The following CCDC171 variants were observed in gnomAD, a reference collection of about 807,000 sequenced individuals.
The protein encoded by CCDC171 is coiled-coil domain-containing protein 171.
CCDC171 carries 177 observed loss-of-function variants against 168.2 expected under a neutral mutation model. That is an observed-to-expected ratio of 1.05 (90% confidence interval 0.93 to 1.19). The LOEUF (loss-of-function observed/expected upper bound fraction) is 1.19. CCDC171 is among the 50% of genes most tolerant of loss of function. The pLI is 0.00. For missense variants in CCDC171, 1,991 were observed against 1,539.0 expected, an observed-to-expected ratio of 1.29 and a Z score of -4.91; for synonymous variants, 687 against 540.8, an observed-to-expected ratio of 1.27 and a Z score of -3.75.
chr9:15,593,848 T>C (rs2042157186), intron 5 of CCDC171, among the ~76,000 whole-genome samples, 193 bp from the exon 6 acceptor site: 1 of 152,034 alleles, frequency 6.6e-6, no homozygotes, highest in African/African-American at 2.4e-5. Context: ...TATAATCTGT[T>C]GTTTAAATAA....
chr9:15,943,433 G>C (rs1827945010), intron 25 of CCDC171, among the ~76,000 whole-genome samples: 1 of 151,916 alleles, frequency 6.6e-6, no homozygotes, highest in African/African-American at 2.4e-5. Flanking sequence ...AAAAAGATCA[G>C]GTTATTGATA....
At chr9:15,666,656 C>T (rs1204366019) in intron 9 of CCDC171, among the ~76,000 whole-genome samples, 3 of 151,880 alleles carry the variant, frequency 2.0e-5, no homozygotes, top group Non-Finnish European at 2.9e-5. Flanking sequence ...GACTTTGTCT[C>T]TACAAAAAAA....
intron 23 of CCDC171, among the ~76,000 whole-genome samples, chr9:15,857,094 G>A (rs912549328): frequency 1.3e-5 from 2 of 152,076 alleles, no homozygotes; most frequent in African/African-American, 4.8e-5. Context: ...ATAGAGTTTA[G>A]AAATTAACCT....
chr9:15,676,956 T>C (rs1220640953), intron 9 of CCDC171, among the ~76,000 whole-genome samples: 1 of 152,168 alleles, frequency 6.6e-6, no homozygotes, highest in Non-Finnish European at 1.5e-5. Flanking sequence ...GATAAAATAA[T>C]AATACGTGTG....
intron 3 of CCDC171, among the ~76,000 whole-genome samples, chr9:15,995,327 G>T (rs1832337917): frequency 6.6e-6 from 1 of 152,172 alleles, no homozygotes; most frequent in Admixed American, 6.5e-5. Context: ...CTCCTTACAG[G>T]GAGTGCCAGC....
chr9:15,962,640 T>C (rs1830457195), intron 25 of CCDC171, among the ~76,000 whole-genome samples: 1 of 152,184 alleles, frequency 6.6e-6, no homozygotes, highest in African/African-American at 2.4e-5. Context: ...ATTTGTTACT[T>C]AGCTGTATTT....
the CCDC171 span, among the ~76,000 whole-genome samples, chr9:16,098,041 G>C: frequency 6.6e-6 from 1 of 152,300 alleles, no homozygotes; most frequent in South Asian, 2.1e-4. Flanking sequence ...TAAAGGGAAA[G>C]AGACACGAAA....
intron 23 of CCDC171, among the ~76,000 whole-genome samples, chr9:15,871,284 G>T (rs981492611): frequency 6.6e-6 from 1 of 151,640 alleles, no homozygotes; most frequent in Non-Finnish European, 1.5e-5. Flanking sequence ...TTGTATACAT[G>T]TATTAGTCAT....
intron 12 of CCDC171, among the ~76,000 whole-genome samples, chr9:15,723,280 G>C (rs1588144414): frequency 6.6e-6 from 1 of 152,260 alleles, no homozygotes; most frequent in East Asian, 1.9e-4. Context: ...ATGATGTATA[G>C]AAAGAACAGT....
intron 7 of CCDC171, among the ~76,000 whole-genome samples, chr9:15,646,240 G>A (rs541626270): frequency 3.9e-4 from 60 of 152,288 alleles, no homozygotes; most frequent in Middle Eastern, 6.8e-3. Context: ...AAGAGCTCCT[G>A]AAGGAAGCAA....
intron 16 of CCDC171, among the ~76,000 whole-genome samples, chr9:15,739,438 C>G (rs1322736695): frequency 2.0e-5 from 3 of 151,928 alleles, no homozygotes; most frequent in African/African-American, 7.3e-5. Flanking sequence ...TCAGTAAAGA[C>G]AAAAAAGTTA....
chr9:15,708,417 G>A (rs2052408021), intron 11 of CCDC171, among the ~76,000 whole-genome samples: 1 of 152,164 alleles, frequency 6.6e-6, no homozygotes, highest in East Asian at 1.9e-4. Flanking sequence ...TATGACAGTA[G>A]ACAGACATTT....
intron 25 of CCDC171, among the ~76,000 whole-genome samples, chr9:15,968,937 G>T (rs1831079582): frequency 6.6e-6 from 1 of 152,118 alleles, no homozygotes; most frequent in African/African-American, 2.4e-5. Context: ...GATCCCAGTA[G>T]CAAAAGCAGT....
intron 3 of CCDC171, among the ~76,000 whole-genome samples, chr9:16,010,764 A>C (rs1437133404): frequency 1.4e-5 from 2 of 142,806 alleles, no homozygotes; most frequent in Non-Finnish European, 3.1e-5. Flanking sequence ...AAAAAAACCC[A>C]AACCTCTGGA....
chr9:16,082,195 C>T, the CCDC171 span, among the ~76,000 whole-genome samples: 1 of 152,164 alleles, frequency 6.6e-6, no homozygotes, highest in East Asian at 1.9e-4. Context: ...AAAGGTATTT[C>T]GTGTCTTCCT....
intron 9 of CCDC171, among the ~76,000 whole-genome samples, chr9:15,674,883 G>T (rs1216441510): frequency 6.6e-6 from 1 of 152,088 alleles, no homozygotes; most frequent in Non-Finnish European, 1.5e-5. Flanking sequence ...GGTCTGCTTG[G>T]TGCAGAGCTG....
intron 7 of CCDC171, 64 bp downstream of exon 7, chr9:15,623,477 A>G (rs6474933): frequency 0.054 from 17,155 of 319,298 alleles, 611 homozygotes; most frequent in South Asian, 0.11. Flanking sequence ...GCGCGCGCGC[A>G]CACACACACA....
chr9:15,631,240 T>G (rs2045663409), intron 7 of CCDC171, among the ~76,000 whole-genome samples: 1 of 151,834 alleles, frequency 6.6e-6, no homozygotes, highest in African/African-American at 2.4e-5. Context: ...GAAGCTGGTT[T>G]TTTGAAAAGA....
chr9:15,685,007 C>G (rs2050286192), intron 10 of CCDC171, among the ~76,000 whole-genome samples: 1 of 152,118 alleles, frequency 6.6e-6, no homozygotes, highest in South Asian at 2.1e-4. Context: ...GACCTTTAAT[C>G]CTAGGGCAAC....
Sources: allele counts gnomAD v4.1 joint callset (sites outside exome capture counted in the v4.1 genomes callset), GRCh38; gene constraint gnomAD v4.1.1; transcripts MANE v1.5; gene names NCBI Gene and HGNC (gene_info 2026-07-23, HGNC 2026-07-21).